The following TNFSF4 variants were observed in gnomAD, a reference collection of about 807,000 sequenced individuals.
TNFSF4 encodes tumor necrosis factor ligand superfamily member 4.
TNFSF4 carries 4 observed loss-of-function variants against 7.3 expected under a neutral mutation model. That is an observed-to-expected ratio of 0.55 (90% confidence interval 0.27 to 1.25). TNFSF4 has a LOEUF of 1.25. Among genes scored for constraint, TNFSF4 ranks in the 50% most tolerant of loss-of-function variants. The probability of loss-of-function intolerance (pLI) is 0.12; values close to 1 mark genes in which losing one functional copy is unlikely to be tolerated. For synonymous variants in TNFSF4, 76 were observed against 83.7 expected (o/e 0.91, Z 0.50); for missense variants, 181 against 208.8 (o/e 0.87, Z 0.82).
At chr1:173,235,736 CTT>C in the TNFSF4 span, among the ~76,000 whole-genome samples, 2 of 152,144 alleles carry the variant, frequency 1.3e-5, no homozygotes, top group African/African-American at 2.4e-5. Context: ...ATGTGTAAAA[CTT>C]ATTTTTATTT....
chr1:173,188,464 A>G, intron 2 of TNFSF4, 57 bp downstream of exon 2: 1 of 1,334,592 alleles, frequency 7.5e-7, no homozygotes, highest in Non-Finnish European at 1.1e-6. Flanking sequence ...AAATTAAGAG[A>G]CTGAAGAGAA....
chr1:173,390,597 A>G, the TNFSF4 span, among the ~76,000 whole-genome samples: 97,081 of 151,792 alleles, frequency 0.64, 31,189 homozygotes, highest in Admixed American at 0.7. Flanking sequence ...AGGTCCCCTA[A>G]GACAAAACCA....
chr1:173,311,428 G>A, the TNFSF4 span, among the ~76,000 whole-genome samples: 3 of 152,074 alleles, frequency 2.0e-5, no homozygotes, highest in Middle Eastern at 6.8e-3. Context: ...CAATAAAAGG[G>A]AGGAGCCACT....
chr1:173,192,484 A>G (rs1411770652), intron 1 of TNFSF4, among the ~76,000 whole-genome samples: 4 of 152,178 alleles, frequency 2.6e-5, no homozygotes, highest in Non-Finnish European at 5.9e-5. Flanking sequence ...ATACTGAATG[A>G]CCTAACTATA....
chr1:173,264,307 C>G, the TNFSF4 span, among the ~76,000 whole-genome samples: 3 of 147,232 alleles, frequency 2.0e-5, no homozygotes, highest in Non-Finnish European at 4.5e-5. Context: ...GCCACCACAT[C>G]TGGCTTCTTC....
the TNFSF4 span, among the ~76,000 whole-genome samples, chr1:173,219,436 A>G: frequency 6.6e-6 from 1 of 152,166 alleles, no homozygotes; most frequent in Non-Finnish European, 1.5e-5. Context: ...AAAAGGGGAC[A>G]CTTTTACACT....
the TNFSF4 span, among the ~76,000 whole-genome samples, chr1:173,228,476 G>A: frequency 6.6e-6 from 1 of 152,092 alleles, no homozygotes; most frequent in Admixed American, 6.5e-5. Flanking sequence ...CAGAGATGGG[G>A]ACAAAACAGA....
chr1:173,201,642 G>A (rs1649947587), intron 1 of TNFSF4, among the ~76,000 whole-genome samples: 2 of 152,168 alleles, frequency 1.3e-5, no homozygotes, highest in African/African-American at 4.8e-5. Flanking sequence ...AGCCTGGACT[G>A]AAAAATTCTG....
the TNFSF4 span, among the ~76,000 whole-genome samples, chr1:173,252,442 T>C: frequency 7.2e-4 from 110 of 152,244 alleles, no homozygotes; most frequent in African/African-American, 2.6e-3. Flanking sequence ...TGAAATTAAA[T>C]ATAGGGAATT....
At chr1:173,282,132 AG>A in the TNFSF4 span, among the ~76,000 whole-genome samples, 12 of 152,296 alleles carry the variant, frequency 7.9e-5, no homozygotes, top group East Asian at 2.3e-3. Flanking sequence ...TTGATTGCAC[AG>A]TAGGGTGACA....
chr1:173,290,053 A>C, the TNFSF4 span, among the ~76,000 whole-genome samples: 1 of 152,154 alleles, frequency 6.6e-6, no homozygotes, highest in Admixed American at 6.6e-5. Context: ...AAGCAGAATA[A>C]AAATAAATAA....
the TNFSF4 span, among the ~76,000 whole-genome samples, chr1:173,420,716 T>C: frequency 1.8e-4 from 27 of 152,332 alleles, no homozygotes; most frequent in African/African-American, 5.5e-4. Flanking sequence ...GATGATGCCC[T>C]AGGGAATAAA....
chr1:173,369,382 A>C, the TNFSF4 span, among the ~76,000 whole-genome samples: 1 of 152,194 alleles, frequency 6.6e-6, no homozygotes, highest in Non-Finnish European at 1.5e-5. Context: ...AGGAAAGGCA[A>C]GGGTGCAGAT....
the TNFSF4 span, among the ~76,000 whole-genome samples, chr1:173,297,093 C>T: frequency 6.6e-6 from 1 of 151,958 alleles, no homozygotes; most frequent in Non-Finnish European, 1.5e-5. Context: ...AGTTTTTGTC[C>T]TCATGATGTC....
At chr1:173,291,636 A>G in the TNFSF4 span, among the ~76,000 whole-genome samples, 3 of 152,184 alleles carry the variant, frequency 2.0e-5, no homozygotes, top group Non-Finnish European at 4.4e-5. Context: ...TAAGAAAAGA[A>G]GTAGCCAAAA....
At chr1:173,229,104 G>C in the TNFSF4 span, among the ~76,000 whole-genome samples, 82 of 152,248 alleles carry the variant, frequency 5.4e-4, no homozygotes, top group Non-Finnish European at 2.2e-4. Flanking sequence ...TCCTCAAGAA[G>C]AGCAACCCTA....
At chr1:173,200,963 G>T (rs1205548225) in intron 1 of TNFSF4, among the ~76,000 whole-genome samples, 1 of 152,166 alleles carries the variant, frequency 6.6e-6, no homozygotes, top group Non-Finnish European at 1.5e-5. Flanking sequence ...AAAAATTAAG[G>T]TGCATTTCAG....
chr1:173,288,655 C>T, the TNFSF4 span, among the ~76,000 whole-genome samples: 13 of 152,096 alleles, frequency 8.5e-5, no homozygotes, highest in African/African-American at 2.9e-4. Context: ...AACACATTCA[C>T]AGAGTACAAT....
the TNFSF4 span, among the ~76,000 whole-genome samples, chr1:173,238,025 A>T: frequency 6.6e-6 from 1 of 152,216 alleles, no homozygotes; most frequent in Non-Finnish European, 1.5e-5. Flanking sequence ...AGGCTACAGT[A>T]ACCGAAACAG....
Sources: gnomAD v4.1 joint callset for allele counts (sites outside exome capture counted in the v4.1 genomes callset) on GRCh38, gnomAD v4.1.1 for gene constraint, MANE v1.5 for transcripts, NCBI Gene and HGNC (gene_info 2026-07-23, HGNC 2026-07-21) for gene names.